Variants in NR2C2 observed in about 807,000 individuals in gnomAD.
NR2C2 encodes the protein nuclear receptor subfamily 2 group C member 2.
NR2C2 carries 6 observed loss-of-function variants against 62.9 expected under a neutral mutation model. The ratio of observed to expected loss-of-function variants is 0.10; its 90% CI spans 0.05 to 0.19. The LOEUF is 0.19. Ranked by LOEUF, NR2C2 falls within the 10% of genes least tolerant of loss-of-function variation. The pLI, the probability that NR2C2 is intolerant of heterozygous loss-of-function variation, is 1.00. For synonymous variants in NR2C2, 272 were observed against 273.8 expected (o/e 0.99, Z 0.07); for missense variants, 479 against 762.7 (o/e 0.63, Z 4.38).
Position 15,003,953 on chromosome 3 carries a change from C to A in NR2C2, c.39C>A (p.Thr13=). The stretch of plus-strand genomic sequence containing the variant: ...CCCCACGCATCCAGATAATCTCCAC[C>A]GACTCTGCTGTAGCCTCACCTCAGC... ...SPSPRIQIIS[T]DSAVASPQRI... Residue 13 remains threonine, a synonymous_variant, in exon 2 of 14, where the codon ACC becomes ACA. Transcript: ENST00000425241. 6.2e-7 allele frequency: 1 copy of A among 1,613,694 alleles called. No homozygotes were observed. The highest frequency in any genetic ancestry group is 8.5e-7 in the Non-Finnish European group (1 of 1,179,810).
chr3:14,991,607 G>A (rs1216972860), intron 1 of NR2C2, among the ~76,000 whole-genome samples: 1 of 152,130 alleles, frequency 6.6e-6, no homozygotes, highest in Non-Finnish European at 1.5e-5. Context: ...TTTTCACAGA[G>A]TGTAACTCTG....
chr3:14,961,772 G>C (rs1413574938), intron 1 of NR2C2, among the ~76,000 whole-genome samples: 1 of 152,124 alleles, frequency 6.6e-6, no homozygotes. Context: ...TTTGCTACTA[G>C]TAGAAAGCCG....
chr3:14,962,655 CTTTT>C (rs1228029134), intron 1 of NR2C2, among the ~76,000 whole-genome samples: 28 of 123,630 alleles, frequency 2.3e-4, no homozygotes, highest in African/African-American at 6.7e-4. Flanking sequence ...TTATTTGTAA[CTTTT>C]TTTTTTTTTT....
Position 15,046,529 on chromosome 3 carries a change from C to T in NR2C2, c.*3521C>T, listed in dbSNP as rs1263720688. The T allele has an allele frequency of 2.6e-5, 4 of 152,292 alleles. No individual in the cohort carries two copies. Among genetic ancestry groups the T allele is most frequent in the Non-Finnish European group, 4.4e-5 (3 of 68,066 alleles). The allele number at this position is 152,292 out of a possible 1,614,324, so 9.4% of individuals were successfully genotyped here. A position where few individuals can be genotyped will look rare whatever the true frequency, so the allele number is the denominator to read the frequency against. ...ACATTTCCTGCAGAGCACTCTTGCT[C>T]ACAGCCCGCCCTCTGCAGGGCTTCC... On this transcript the variant is annotated 3_prime_UTR_variant, in exon 14 of 14. Coordinates refer to ENST00000425241, the MANE Select transcript of NR2C2 (RefSeq NM_001291694.2).
At chr3:14,979,789 G>A (rs1024021803) in intron 1 of NR2C2, among the ~76,000 whole-genome samples, 13 of 152,138 alleles carry the variant, frequency 8.5e-5, no homozygotes, top group Non-Finnish European at 1.6e-4. Context: ...AGTGGGAGGT[G>A]CGGCCAGATC....
At chr3:14,974,131 C>T (rs1017788420) in intron 1 of NR2C2, among the ~76,000 whole-genome samples, 13 of 152,184 alleles carry the variant, frequency 8.5e-5, no homozygotes, top group Admixed American at 3.3e-4. Flanking sequence ...AACTGCTCTT[C>T]TACTTTCTAT....
rs1331523728 is a variant in NR2C2 at position 15,045,814 on chromosome 3, G to A, written c.*2806G>A. On this transcript the variant is annotated 3_prime_UTR_variant, in exon 14 of 14. Transcript: ENST00000425241. The stretch of plus-strand genomic sequence containing the variant: ...CTGTCCTCTGGCTACTGAACTCCAT[G>A]GAGCCACGTTCATGCTCCCTCTTCT... 6.6e-6 allele frequency: 1 copy of A among 152,474 alleles called. No individual in the cohort carries two copies. Among genetic ancestry groups the A allele is most frequent in the African/African-American group, 2.4e-5 (1 of 41,464 alleles). 9.4% of individuals were successfully genotyped at this position (152,474 alleles called of 1,614,324 possible).
At chr3:15,039,613 T>C (rs2125091396) in intron 13 of NR2C2, among the ~76,000 whole-genome samples, 1 of 152,306 alleles carries the variant, frequency 6.6e-6, no homozygotes, top group South Asian at 2.1e-4. Flanking sequence ...GATTCCTTTG[T>C]CCAGAATAGT....
chr3:14,963,269 A>G (rs114314500), intron 1 of NR2C2, among the ~76,000 whole-genome samples: 2,407 of 152,298 alleles, frequency 0.016, 68 homozygotes, highest in African/African-American at 0.054. Context: ...TAATCCTCAC[A>G]ATAACTTTCT....
intron 2 of NR2C2, among the ~76,000 whole-genome samples, chr3:15,007,586 G>T (rs2041222384): frequency 6.6e-6 from 1 of 152,182 alleles, no homozygotes; most frequent in Non-Finnish European, 1.5e-5. Flanking sequence ...AGTTTCATGA[G>T]GGCAGGAGCC....
chr3:15,011,472 T>C (rs544724924), intron 2 of NR2C2, among the ~76,000 whole-genome samples: 48 of 152,340 alleles, frequency 3.2e-4, no homozygotes, highest in African/African-American at 1.1e-3. Flanking sequence ...TCAACCAGCC[T>C]GTGTCTGCAA....
At chr3:14,968,226 C>T (rs1233991491) in intron 1 of NR2C2, among the ~76,000 whole-genome samples, 2 of 152,136 alleles carry the variant, frequency 1.3e-5, no homozygotes, top group South Asian at 2.1e-4. Context: ...AGAAAATTTT[C>T]GCAACCTGCT....
At chr3:15,020,674 C>G in intron 4 of NR2C2, 79 bp from the exon 5 acceptor site, 1 of 1,515,572 alleles carries the variant, frequency 6.6e-7, no homozygotes, top group South Asian at 1.2e-5. Context: ...GAGACTTGCA[C>G]AGGAACTGAC....
intron 9 of NR2C2, among the ~76,000 whole-genome samples, chr3:15,032,037 C>T (rs2041994175): frequency 6.6e-6 from 1 of 152,092 alleles, no homozygotes; most frequent in Non-Finnish European, 1.5e-5. Context: ...GCCCCTGTTC[C>T]CCAGATTTAA....
At chr3:14,967,824 A>T (rs1249300893) in intron 1 of NR2C2, among the ~76,000 whole-genome samples, 13 of 152,234 alleles carry the variant, frequency 8.5e-5, no homozygotes. Flanking sequence ...AGCCCTCAGA[A>T]ATAATGCCGC....
At chr3:14,994,453 T>TTA (rs2040762969) in intron 1 of NR2C2, among the ~76,000 whole-genome samples, 1 of 142,926 alleles carries the variant, frequency 7.0e-6, no homozygotes, top group Non-Finnish European at 1.5e-5. Context: ...TTTTTTTTTT[T>TTA]TTTTTTTTGA....
rs749912063 is a variant in NR2C2 at position 15,042,861 on chromosome 3, G to A, written c.1644G>A (p.Pro548=). The change falls in exon 14 of 14, where the codon CCG becomes CCA. Residue 548 remains proline, a synonymous_variant. Coordinates refer to ENST00000425241, the MANE Select transcript of NR2C2 (RefSeq NM_001291694.2). Reference sequence around the variant, plus strand: ...TGGCCCGGATCCTCGTTCGCCTGCCGGCACTCAGGCTGATGAGCTCCAACA... The same window carrying A: ...TGGCCCGGATCCTCGTTCGCCTGCCAGCACTCAGGCTGATGAGCTCCAACA... ...YRLARILVRL[P]ALRLMSSNIT... 3.8e-5 allele frequency: 62 copies of A among 1,614,006 alleles called. No individual in the cohort carries two copies. Among genetic ancestry groups the A allele is most frequent in the South Asian group, 1.2e-4 (11 of 91,066 alleles).
intron 1 of NR2C2, among the ~76,000 whole-genome samples, chr3:14,989,846 C>G (rs912525439): frequency 2.1e-5 from 3 of 141,450 alleles, no homozygotes; most frequent in Non-Finnish European, 4.5e-5. Flanking sequence ...ATAAGAGAAT[C>G]GCTTGAACCT....
intron 1 of NR2C2, among the ~76,000 whole-genome samples, chr3:14,967,161 T>A (rs2039881896): frequency 6.6e-6 from 1 of 152,160 alleles, no homozygotes; most frequent in Non-Finnish European, 1.5e-5. Context: ...TTCATAGCAT[T>A]CCTTTATAAT....
Sources: allele counts gnomAD v4.1 joint callset (sites outside exome capture counted in the v4.1 genomes callset), GRCh38; gene constraint gnomAD v4.1.1; transcripts MANE v1.5; gene names NCBI Gene and HGNC (gene_info 2026-07-23, HGNC 2026-07-21).